Variants in PHACTR3 observed in about 807,000 individuals in gnomAD.
The protein encoded by PHACTR3 is phosphatase and actin regulator 3.
In PHACTR3, 16 loss-of-function variants were observed where a neutral mutation model predicts 66.8. The ratio of observed to expected loss-of-function variants is 0.24; its 90% confidence interval spans 0.16 to 0.36. The LOEUF is 0.36. Ranked by LOEUF, PHACTR3 falls within the 10% of genes least tolerant of loss-of-function variation. The pLI is 1.00. For missense variants in PHACTR3, 647 were observed against 719.9 expected (o/e 0.90, Z 1.16); for synonymous variants, 323 against 292.1 (o/e 1.11, Z -1.08).
chr20:59,674,389 C>T (rs1189932120), intron 1 of PHACTR3, among the ~76,000 whole-genome samples: 1 of 149,468 alleles, frequency 6.7e-6, no homozygotes, highest in Admixed American at 6.7e-5. Flanking sequence ...TTCCCCTTCT[C>T]CTGTTCCTCC....
intron 1 of PHACTR3, among the ~76,000 whole-genome samples, chr20:59,647,619 CCACTAGTTTCCTGTGTT>C (rs1330605478): frequency 6.6e-6 from 1 of 152,128 alleles, no homozygotes; most frequent in Non-Finnish European, 1.5e-5. Flanking sequence ...ATCTCTTTCC[CCACTAGTTTCCTGTGTT>C]CTTTTGATCC....
At position 59,743,501 on chromosome 20, in the gene PHACTR3, C is replaced by T. The variant is rs150272278; in HGVS notation, c.280+233C>T. Among the ~76,000 whole-genome samples the T allele has an allele frequency of 3.2e-3, 489 of 152,320 alleles. 13 individuals are homozygous for T. Among genetic ancestry groups the T allele is most frequent in the Admixed American group, 0.025 (376 of 15,302 alleles). On this transcript the variant is annotated intron_variant, in intron 2 of 12. Coordinates refer to ENST00000371015, the MANE Select transcript of PHACTR3 (RefSeq NM_080672.5). ...TTGGCACCAGGCACCCCATGTGGGA[C>T]GCTCTGCCCAGACCCTAAGGTGCCC... is the stretch of plus-strand genomic sequence containing the variant.
At chr20:59,702,832 A>C (rs887179074) in intron 1 of PHACTR3, among the ~76,000 whole-genome samples, 2 of 152,210 alleles carry the variant, frequency 1.3e-5, no homozygotes, top group African/African-American at 4.8e-5. Flanking sequence ...TCCAATGATG[A>C]GGGTTATGTC....
chr20:59,717,925 A>G (rs1311406673), intron 1 of PHACTR3, among the ~76,000 whole-genome samples: 6 of 152,190 alleles, frequency 3.9e-5, no homozygotes, highest in African/African-American at 1.2e-4. Context: ...TTGTGATGGT[A>G]GCTCCATGTC....
At chr20:59,622,989 A>AAAAAAAAAAAAAAAAAAAAAAAAAAAAC (rs1325417969) in intron 1 of PHACTR3, among the ~76,000 whole-genome samples, 1 of 141,470 alleles carries the variant, frequency 7.1e-6, no homozygotes, top group Non-Finnish European at 1.5e-5. Context: ...ACCAAAAAAA[A>AAAAAAAAAAAAAAAAAAAAAAAAAAAAC]AAAAAAAAAA....
At chr20:59,585,837 C>A (rs535910338) in intron 1 of PHACTR3, among the ~76,000 whole-genome samples, 1 of 152,334 alleles carries the variant, frequency 6.6e-6, no homozygotes, top group African/African-American at 2.4e-5. Flanking sequence ...TAAAGGAAAG[C>A]CATTTAGCAA....
intron 1 of PHACTR3, among the ~76,000 whole-genome samples, chr20:59,672,305 C>G (rs1271134661): frequency 6.6e-6 from 1 of 152,258 alleles, no homozygotes; most frequent in African/African-American, 2.4e-5. Flanking sequence ...CCCAATGCTG[C>G]ACTTGCCCTT....
chr20:59,808,014 C>G (rs1455088094), intron 8 of PHACTR3, among the ~76,000 whole-genome samples: 1 of 152,138 alleles, frequency 6.6e-6, no homozygotes, highest in Non-Finnish European at 1.5e-5. Context: ...GTTGGACTGT[C>G]TCATGGGGCA....
intron 7 of PHACTR3, among the ~76,000 whole-genome samples, chr20:59,797,390 T>A (rs893929890): frequency 1.3e-5 from 2 of 152,160 alleles, no homozygotes; most frequent in African/African-American, 2.4e-5. Context: ...GGCAGCATCA[T>A]GTTTCCTTGC....
intron 1 of PHACTR3, among the ~76,000 whole-genome samples, chr20:59,612,717 C>T (rs983751445): frequency 6.6e-6 from 1 of 152,134 alleles, no homozygotes; most frequent in East Asian, 1.9e-4. Context: ...ACTGGGAATC[C>T]AGATTTTTAT....
chr20:59,754,084 T>C (rs923902523), intron 3 of PHACTR3, among the ~76,000 whole-genome samples: 2 of 152,228 alleles, frequency 1.3e-5, no homozygotes, highest in South Asian at 2.1e-4. Context: ...TGCAGGGCTA[T>C]GTGGAGGCTT....
At chr20:59,747,955 A>C in intron 3 of PHACTR3, 120 bp downstream of exon 3, 2 of 1,050,056 alleles carry the variant, frequency 1.9e-6, no homozygotes, top group African/African-American at 3.2e-5. Flanking sequence ...GGCCGTGTTC[A>C]GATGAAGCCT....
chr20:59,845,309 C>T (rs1318507820), intron 12 of PHACTR3, 44 bp downstream of exon 12: 34 of 1,268,074 alleles, frequency 2.7e-5, no homozygotes, highest in Non-Finnish European at 3.9e-5. Flanking sequence ...ATTTTTGAAA[C>T]ACACACCGCC....
chr20:59,640,328 G>A (rs911419171), intron 1 of PHACTR3, among the ~76,000 whole-genome samples: 11 of 152,212 alleles, frequency 7.2e-5, no homozygotes, highest in Admixed American at 1.3e-4. Context: ...GGTCATGTGC[G>A]CAGAAGGGTT....
At chr20:59,723,060 C>CTTTCTCTTTCTT (rs1555823459) in intron 1 of PHACTR3, among the ~76,000 whole-genome samples, 3 of 118,664 alleles carry the variant, frequency 2.5e-5, no homozygotes, top group Non-Finnish European at 5.2e-5. Context: ...TTCTTTCTTT[C>CTTTCTCTTTCTT]TCTTTCTTTC....
chr20:59,695,434 A>G (rs756389887), intron 1 of PHACTR3, among the ~76,000 whole-genome samples: 10 of 152,158 alleles, frequency 6.6e-5, no homozygotes, highest in African/African-American at 9.7e-5. Flanking sequence ...CGCCGTGATT[A>G]TAAGTTTCCT....
chr20:59,647,047 C>CTAGGG (rs1419449408), intron 1 of PHACTR3, among the ~76,000 whole-genome samples: 1 of 152,148 alleles, frequency 6.6e-6, no homozygotes, highest in Non-Finnish European at 1.5e-5. Context: ...GATTTGATGA[C>CTAGGG]TAGGGTATTA....
At chr20:59,672,694 C>T (rs1324154849) in intron 1 of PHACTR3, among the ~76,000 whole-genome samples, 1 of 152,210 alleles carries the variant, frequency 6.6e-6, no homozygotes, top group Non-Finnish European at 1.5e-5. Flanking sequence ...GTTCTGGGGT[C>T]TCCTGAGACA....
At chr20:59,735,354 A>G (rs2038910631) in intron 1 of PHACTR3, among the ~76,000 whole-genome samples, 2 of 152,162 alleles carry the variant, frequency 1.3e-5, no homozygotes, top group Non-Finnish European at 2.9e-5. Context: ...TGAGTGAATG[A>G]ATAAAACAAA....
Sources: allele counts gnomAD v4.1 joint callset (sites outside exome capture counted in the v4.1 genomes callset), GRCh38; gene constraint gnomAD v4.1.1; transcripts MANE v1.5; gene names NCBI Gene and HGNC (gene_info 2026-07-23, HGNC 2026-07-21).